GMDS: variants seen among roughly 807,000 people sequenced by gnomAD.
GMDS encodes the protein GDP-mannose 4,6-dehydratase, also known as GDP-mannose 4,6 dehydratase.
Under a neutral mutation model 49.9 loss-of-function variants are expected in GMDS, and 20 were observed. That is an observed-to-expected ratio of 0.40 (90% CI 0.28 to 0.58). The LOEUF is 0.58. GMDS is among the 20% of genes least tolerant of loss of function. GMDS has a pLI of 0.42. For synonymous variants in GMDS, 177 were observed against 178.6 expected (o/e 0.99, Z 0.07); for missense variants, 362 against 481.4 (o/e 0.75, Z 2.32).
At chr6:2,234,895 G>T (rs766991202) in intron 1 of GMDS, among the ~76,000 whole-genome samples, 2 of 152,140 alleles carry the variant, frequency 1.3e-5, no homozygotes, top group African/African-American at 4.8e-5. Flanking sequence ...GGAGGCCAAG[G>T]TGGGCGGATC....
chr6:2,102,696 AAAC>A, intron 4 of GMDS, among the ~76,000 whole-genome samples: 1 of 152,348 alleles, frequency 6.6e-6, no homozygotes, highest in South Asian at 2.1e-4. Context: ...AGCTGTTTTT[AAAC>A]AACCTTTTAA....
chr6:2,210,338 C>G (rs1485586262), intron 1 of GMDS, among the ~76,000 whole-genome samples: 2 of 152,190 alleles, frequency 1.3e-5, no homozygotes, highest in Non-Finnish European at 2.9e-5. Flanking sequence ...ACTTAGAACA[C>G]TTAGCCTGGC....
At chr6:2,245,292 G>A (rs1244542185) in intron 1 of GMDS, 29 bp downstream of exon 1, 1 of 1,448,490 alleles carries the variant, frequency 6.9e-7, no homozygotes, top group Non-Finnish European at 9.4e-7. Context: ...AGGCTGCCTC[G>A]GCCGGCGCGC....
intron 7 of GMDS, among the ~76,000 whole-genome samples, chr6:1,866,929 T>C (rs1319534527): frequency 6.6e-6 from 1 of 152,242 alleles, no homozygotes; most frequent in Non-Finnish European, 1.5e-5. Context: ...CAACAATATA[T>C]TCCTTGGTTT....
intron 7 of GMDS, among the ~76,000 whole-genome samples, chr6:1,869,033 A>G (rs1758590103): frequency 6.6e-6 from 1 of 152,220 alleles, no homozygotes; most frequent in Middle Eastern, 3.2e-3. Flanking sequence ...GACAGTGGGG[A>G]AATGCCCCAG....
chr6:2,087,994 C>G (rs1274615022), intron 4 of GMDS, among the ~76,000 whole-genome samples: 2 of 151,860 alleles, frequency 1.3e-5, no homozygotes, highest in African/African-American at 2.4e-5. Context: ...AAGCTTTTGA[C>G]TTAACAATTA....
At chr6:1,773,982 A>C (rs1768687076) in intron 7 of GMDS, among the ~76,000 whole-genome samples, 1 of 152,244 alleles carries the variant, frequency 6.6e-6, no homozygotes, top group Non-Finnish European at 1.5e-5. Flanking sequence ...TAGTAGCTTT[A>C]ATTTAAAGCA....
intron 4 of GMDS, among the ~76,000 whole-genome samples, chr6:2,026,986 TACCAA>T (rs1036871196): frequency 2.0e-5 from 3 of 152,166 alleles, no homozygotes; most frequent in African/African-American, 7.2e-5. Flanking sequence ...AAAGAAAATA[TACCAA>T]AAAATCCCCC....
At chr6:2,067,313 G>C (rs1208278355) in intron 4 of GMDS, among the ~76,000 whole-genome samples, 4 of 151,614 alleles carry the variant, frequency 2.6e-5, no homozygotes, top group Admixed American at 2.0e-4. Context: ...GAGAAAGCAG[G>C]AAAGATCCAA....
intron 7 of GMDS, among the ~76,000 whole-genome samples, chr6:1,863,037 A>C (rs960426421): frequency 2.6e-5 from 4 of 152,226 alleles, no homozygotes; most frequent in Admixed American, 6.5e-5. Context: ...TTTAACATGT[A>C]AAATGTTTGC....
intron 4 of GMDS, among the ~76,000 whole-genome samples, chr6:2,076,863 T>C (rs944288024): frequency 1.3e-5 from 2 of 152,228 alleles, no homozygotes; most frequent in African/African-American, 4.8e-5. Context: ...AAGGACTTCA[T>C]GTCTAAAACA....
At chr6:2,014,198 A>C (rs1767755516) in intron 4 of GMDS, among the ~76,000 whole-genome samples, 1 of 148,826 alleles carries the variant, frequency 6.7e-6, no homozygotes, top group Non-Finnish European at 1.5e-5. Context: ...CTGCCTGGCA[A>C]GAAATGCTGA....
intron 9 of GMDS, among the ~76,000 whole-genome samples, chr6:1,710,680 G>A (rs1234403213): frequency 7.2e-5 from 11 of 152,198 alleles, no homozygotes; most frequent in Non-Finnish European, 1.5e-4. Context: ...AAATCTTGAC[G>A]TCTACATTTC....
At chr6:2,057,320 G>C (rs576282360) in intron 4 of GMDS, among the ~76,000 whole-genome samples, 8 of 152,170 alleles carry the variant, frequency 5.3e-5, no homozygotes, top group South Asian at 2.1e-4. Context: ...GAACAGAGTA[G>C]AAACTCAACA....
intron 7 of GMDS, among the ~76,000 whole-genome samples, chr6:1,850,185 T>C (rs1318361156): frequency 6.6e-6 from 1 of 152,164 alleles, no homozygotes; most frequent in African/African-American, 2.4e-5. Flanking sequence ...TCCTGAACAC[T>C]TTCTTCCTTG....
chr6:1,867,913 T>G (rs1758517837), intron 7 of GMDS, among the ~76,000 whole-genome samples: 1 of 152,110 alleles, frequency 6.6e-6, no homozygotes, highest in South Asian at 2.1e-4. Flanking sequence ...TCCTCGTGTC[T>G]GTGGATGGGT....
At position 2,143,207 on chromosome 6, in the gene GMDS, CTGA is replaced by C. The variant is rs1286169061; in HGVS notation, c.103-18479_103-18477del. On this transcript the variant is annotated intron_variant, in intron 1 of 10. Coordinates refer to ENST00000380815, the MANE Select transcript of GMDS (RefSeq NM_001500.4). ...TGGCTCCAGCAGACACGCCAATGCC[CTGA>C]TGATGTCTACAACTTTTATAGCAAA... is the stretch of plus-strand genomic sequence containing the variant. Among the ~76,000 whole-genome samples, 29 of 152,320 alleles carry C rather than the reference CTGA, an allele frequency of 1.9e-4. 1 individual carries two copies. The highest frequency in any genetic ancestry group is 1.0e-3 in the Admixed American group (16 of 15,298).
intron 9 of GMDS, chr6:1,625,504 G>A (rs1287884966): frequency 1.3e-5 from 2 of 152,256 alleles, no homozygotes; most frequent in Non-Finnish European, 1.5e-5. Flanking sequence ...GAGGAAACAA[G>A]GGCATTTCAT....
At chr6:1,782,888 TC>T (rs1769164440) in intron 7 of GMDS, among the ~76,000 whole-genome samples, 1 of 152,212 alleles carries the variant, frequency 6.6e-6, no homozygotes, top group African/African-American at 2.4e-5. Context: ...GTGTGGTGGC[TC>T]ATGCCTGTAA....
Sources: allele counts gnomAD v4.1 joint callset (sites outside exome capture counted in the v4.1 genomes callset), GRCh38; gene constraint gnomAD v4.1.1; transcripts MANE v1.5; gene names NCBI Gene and HGNC (gene_info 2026-07-23, HGNC 2026-07-21).